Variants in SNX18 observed in about 807,000 individuals in gnomAD.
The protein encoded by SNX18 is sorting nexin 18, also known as sorting nexin-18.
In SNX18, 35 loss-of-function variants were observed where a neutral mutation model predicts 48.7. The ratio of observed to expected loss-of-function variants is 0.72; its 90% CI spans 0.55 to 0.95. The LOEUF is 0.95. SNX18 is among the 40% of genes least tolerant of loss of function. The pLI is 0.00. For missense variants in SNX18, 824 were observed against 871.0 expected (o/e 0.95, Z 0.68); for synonymous variants, 492 against 384.7 (o/e 1.28, Z -3.26).
chr5:54,625,686 G>C, the SNX18 span, among the ~76,000 whole-genome samples: 1 of 152,182 alleles, frequency 6.6e-6, no homozygotes, highest in Non-Finnish European at 1.5e-5. Context: ...ATGGAGACTA[G>C]GAGACAGGAA....
the SNX18 span, among the ~76,000 whole-genome samples, chr5:54,556,207 A>G: frequency 6.6e-6 from 1 of 152,242 alleles, no homozygotes; most frequent in African/African-American, 2.4e-5. Flanking sequence ...TATTGTTTTT[A>G]TAACAATTCA....
chr5:54,642,236 T>C, the SNX18 span, among the ~76,000 whole-genome samples: 31 of 152,382 alleles, frequency 2.0e-4, no homozygotes, highest in Non-Finnish European at 3.5e-4. Context: ...TAGTTGTTTA[T>C]ATACTTCCTC....
chr5:54,529,612 G>A (rs1033568062), intron 1 of SNX18, among the ~76,000 whole-genome samples: 9 of 151,852 alleles, frequency 5.9e-5, no homozygotes, highest in African/African-American at 9.7e-5. Flanking sequence ...AGTATTCCAA[G>A]CATTTTATAT....
chr5:54,553,389 A>G, the SNX18 span, among the ~76,000 whole-genome samples: 2 of 152,038 alleles, frequency 1.3e-5, no homozygotes, highest in Admixed American at 6.6e-5. Flanking sequence ...AAGCACAGCA[A>G]CAGGTCGGGG....
chr5:54,520,465 T>G (rs1762001956), intron 1 of SNX18: 1 of 166,488 alleles, frequency 6.0e-6, no homozygotes, highest in Non-Finnish European at 1.5e-5. Context: ...GGTGTGGGAG[T>G]TAGGGAGGCA....
chr5:54,528,896 G>A (rs1762198446), intron 1 of SNX18, among the ~76,000 whole-genome samples: 1 of 152,212 alleles, frequency 6.6e-6, no homozygotes, highest in Non-Finnish European at 1.5e-5. Flanking sequence ...AGGGGATACA[G>A]CAGAAAATGG....
the SNX18 span, among the ~76,000 whole-genome samples, chr5:54,583,869 C>T: frequency 1.3e-5 from 2 of 152,086 alleles, no homozygotes; most frequent in East Asian, 1.9e-4. Flanking sequence ...CTCACCCTGC[C>T]GGGTGTTCCA....
At chr5:54,557,774 T>C in the SNX18 span, among the ~76,000 whole-genome samples, 1 of 152,270 alleles carries the variant, frequency 6.6e-6, no homozygotes, top group African/African-American at 2.4e-5. Flanking sequence ...TTGTGTATAA[T>C]TTATAAAAAA....
chr5:54,628,948 C>T, the SNX18 span, among the ~76,000 whole-genome samples: 1 of 152,210 alleles, frequency 6.6e-6, no homozygotes, highest in African/African-American at 2.4e-5. Context: ...TGGTGGCTCC[C>T]TGCTGGAACT....
chr5:54,632,409 G>A, the SNX18 span, among the ~76,000 whole-genome samples: 2 of 152,218 alleles, frequency 1.3e-5, no homozygotes, highest in African/African-American at 2.4e-5. Flanking sequence ...GGCACCAGCA[G>A]GAATGGAAAC....
chr5:54,618,183 G>T, the SNX18 span, among the ~76,000 whole-genome samples: 20 of 152,220 alleles, frequency 1.3e-4, no homozygotes, highest in Admixed American at 6.5e-4. Flanking sequence ...CCTTTGCTTG[G>T]CACTTCTCTC....
the SNX18 span, among the ~76,000 whole-genome samples, chr5:54,569,394 C>T: frequency 3.3e-5 from 5 of 152,108 alleles, no homozygotes; most frequent in Non-Finnish European, 7.3e-5. Context: ...CCACACAAAA[C>T]CAACCTAAAA....
At position 54,517,909 on chromosome 5, in the gene SNX18, T is replaced by G. The variant is rs1475672790; in HGVS notation, c.-44T>G. 6.8e-7 allele frequency: 1 copy of G among 1,468,312 alleles called. No homozygotes were observed. Among genetic ancestry groups the G allele is most frequent in the Non-Finnish European group, 9.0e-7 (1 of 1,116,292 alleles). The allele number at this position is 1,468,312 out of a possible 1,614,324, so 91.0% of individuals were successfully genotyped here. A position where few individuals can be genotyped will look rare whatever the true frequency, so the allele number is the denominator to read the frequency against. The stretch of plus-strand genomic sequence containing the variant: ...GCGGGCCCCTCAGGTGGGCCTCGGC[T>G]CGGGACGCCGGGAGTCGGGACCGCC... On this transcript the variant is annotated 5_prime_UTR_variant, in exon 1 of 2. Transcript: ENST00000381410.
Position 54,519,293 on chromosome 5 carries a change from C to T in SNX18, c.1341C>T (p.His447=). Reference sequence around the variant, plus strand: ...ACGACAGCGCGCTGCAGCTCAACCACACGGCCAACGAGTTCGCGCGCAAGC... The same window carrying T: ...ACGACAGCGCGCTGCAGCTCAACCATACGGCCAACGAGTTCGCGCGCAAGC... ...KMDDSALQLN[H]TANEFARKQV... The change falls in exon 1 of 2, where the codon CAC becomes CAT. Residue 447 remains histidine, a synonymous_variant. Coordinates refer to ENST00000381410, the MANE Select transcript of SNX18 (RefSeq NM_001102575.2). 1 of 1,614,122 alleles carries T rather than the reference C, an allele frequency of 6.2e-7. No homozygotes were observed. Among genetic ancestry groups the T allele is most frequent in the Non-Finnish European group, 8.5e-7 (1 of 1,180,022 alleles).
At chr5:54,519,633 A>G in intron 1 of SNX18, 60 bp downstream of exon 1, 2 of 1,614,168 alleles carry the variant, frequency 1.2e-6, no homozygotes, top group Non-Finnish European at 1.7e-6. Flanking sequence ...GAAAGGGGCG[A>G]CTTTGACAGC....
At chr5:54,561,229 CG>C in the SNX18 span, among the ~76,000 whole-genome samples, 1 of 151,700 alleles carries the variant, frequency 6.6e-6, no homozygotes, top group Admixed American at 6.6e-5. Context: ...TTTAGTAAGA[CG>C]GGGTTTCTCC....
intron 1 of SNX18, among the ~76,000 whole-genome samples, chr5:54,532,498 G>A (rs1353305547): frequency 6.6e-6 from 1 of 151,998 alleles, no homozygotes; most frequent in Non-Finnish European, 1.5e-5. Flanking sequence ...ATCAAGGATA[G>A]TATGTCTACC....
intron 1 of SNX18, among the ~76,000 whole-genome samples, chr5:54,527,477 A>G (rs931211598): frequency 3.3e-5 from 5 of 152,292 alleles, no homozygotes; most frequent in African/African-American, 1.2e-4. Context: ...GGGTGACTGT[A>G]ATTTTGGCCT....
chr5:54,639,771 G>A, the SNX18 span, among the ~76,000 whole-genome samples: 1 of 152,070 alleles, frequency 6.6e-6, no homozygotes, highest in Non-Finnish European at 1.5e-5. Flanking sequence ...CTACGCTCAA[G>A]CGTACTCAGA....
Sources: allele counts gnomAD v4.1 joint callset (sites outside exome capture counted in the v4.1 genomes callset), GRCh38; gene constraint gnomAD v4.1.1; transcripts MANE v1.5; gene names NCBI Gene and HGNC (gene_info 2026-07-23, HGNC 2026-07-21).